GPR135: variants seen among roughly 807,000 people sequenced by gnomAD.
GPR135 encodes G protein-coupled receptor 135, also known as G-protein coupled receptor 135.
In GPR135, 17 loss-of-function variants were observed where a neutral mutation model predicts 15.0. That is an observed-to-expected ratio of 1.13 (90% CI 0.78 to 1.70). The LOEUF (loss-of-function observed/expected upper bound fraction) is 1.70, where lower values mean the gene tolerates loss of function less well. Ranked by LOEUF, GPR135 falls within the 40% of genes most tolerant of loss-of-function variation. GPR135 has a pLI of 0.00. For missense variants in GPR135, 776 were observed against 727.0 expected (o/e 1.07, Z -0.78); for synonymous variants, 368 against 349.4 (o/e 1.05, Z -0.59).
intron 6 of GPR135, chr14:59,455,621 T>C (rs968729325): frequency 1.3e-5 from 2 of 152,204 alleles, no homozygotes; most frequent in Non-Finnish European, 2.9e-5. Flanking sequence ...GTAATTAAGA[T>C]GTCAGCTGGA....
In GPR135 at chr14:59,463,995, A is replaced by G. The variant is rs374475417; in HGVS notation, c.1232T>C (p.Val411Ala). The change falls in exon 1 of 1, where the codon GTG (valine) becomes GCG (alanine). Residue 411 changes from valine to alanine, a missense_variant. Coordinates refer to ENST00000395116, the MANE Select transcript of GPR135 (RefSeq NM_022571.6). ...NREEGYRTRN[V>A]DAFLPSQGPG... ...GCCCTGGCTGGGCAGGAAAGCGTCC[A>G]CATTCCTAGTCCGGTAGCCCTCCTC... 8 of 1,613,920 alleles carry G rather than the reference A, an allele frequency of 5.0e-6. No homozygotes were observed. Among genetic ancestry groups the G allele is most frequent in the African/African-American group, 1.3e-5 (1 of 74,956 alleles).
downstream of GPR135, among the ~76,000 whole-genome samples, chr14:59,457,303 T>C (rs1888687828): frequency 6.6e-6 from 1 of 152,200 alleles, no homozygotes; most frequent in Admixed American, 6.5e-5. Flanking sequence ...CTCTTTGTGT[T>C]TGTCTTACTT....
chr14:59,465,173 G>C lies in GPR135; in HGVS notation c.54C>G (p.Ser18Arg). 1 of 1,317,900 alleles carries C rather than the reference G, an allele frequency of 7.6e-7. No individual in the cohort carries two copies. The highest frequency in any genetic ancestry group is 2.9e-4 in the Middle Eastern group (1 of 3,480). The allele number at this position is 1,317,900 out of a possible 1,614,324, so 81.6% of individuals were successfully genotyped here. A position where few individuals can be genotyped will look rare whatever the true frequency, so the allele number is the denominator to read the frequency against. ...RPPASMALLG[S>R]QHSGAPSAAG... The stretch of plus-strand genomic sequence containing the variant: ...CCGCGGAGGGGGCGCCGGAGTGCTG[G>C]CTGCCCAGTAAGGCCATGCTCGCTG... Residue 18 changes from serine (S) to arginine (R), a missense_variant, in exon 1 of 1, where the codon AGC becomes AGG. Transcript: ENST00000395116.
chr14:59,461,150 A>G lies in GPR135; in HGVS notation c.*2592T>C, dbSNP rs1381076157. On this transcript the variant is annotated 3_prime_UTR_variant, in exon 1 of 1. Transcript: ENST00000395116. ...AGTACTGTGGCTTCTACCTTTTAGTAGCCTTAGCTCCCAGGAAGTTGCCCT... is the reference window on the plus strand; with the variant it reads ...AGTACTGTGGCTTCTACCTTTTAGTGGCCTTAGCTCCCAGGAAGTTGCCCT... 1 of 152,226 alleles carries G rather than the reference A, an allele frequency of 6.6e-6. No homozygotes were observed. The highest frequency in any genetic ancestry group is 1.5e-5 in the Non-Finnish European group (1 of 68,028). 9.4% of individuals were successfully genotyped at this position (152,226 alleles called of 1,614,324 possible). A position where few individuals can be genotyped will look rare whatever the true frequency, so the allele number is the denominator to read the frequency against.
At chr14:59,457,654 T>C (rs1284083463), downstream of GPR135, among the ~76,000 whole-genome samples, 3 of 152,208 alleles carry the variant, frequency 2.0e-5, no homozygotes, top group Admixed American at 6.5e-5. Context: ...AACTCAAGCA[T>C]TTCCATGTTT....
chr14:59,464,808 G>T lies in GPR135; in HGVS notation c.419C>A (p.Ala140Asp). ...CGATAGGGACAGCGACAGGATGAAG[G>T]CGTTGGTGACGGTGCGGAGCTGCCG... ...KHRQLRTVTN[A>D]FILSLSLSDL... is the part of the protein sequence containing the mutation. The change falls in exon 1 of 1, where the codon GCC becomes GAC. Residue 140 changes from alanine to aspartate, a missense_variant. Transcript: ENST00000395116. The T allele has an allele frequency of 6.3e-7, 1 of 1,581,782 alleles. No individual in the cohort carries two copies. The highest frequency in any genetic ancestry group is 1.2e-5 in the South Asian group (1 of 86,664).
At position 59,463,767 on chromosome 14, in the gene GPR135, G is replaced by T. The variant is rs372025173; in HGVS notation, c.1460C>A (p.Ser487Tyr). 2.9e-5 allele frequency: 47 copies of T among 1,608,830 alleles called. No homozygotes were observed. The African/African-American group carries it at 5.6e-4, about 19-fold the overall frequency. ...TTAGAGGCTGGTATCCCCAGCTTCG[G>T]ATTTAGGCTGTTTGGTCACTGCCGT... The part of the protein sequence containing the change: ...PVTAVTKQPK[S>Y]EAGDTSL The change falls in exon 1 of 1, where the codon TCC becomes TAC. Residue 487 changes from serine (S) to tyrosine (Y), a missense_variant. Transcript: ENST00000395116.
At position 59,464,383 on chromosome 14, in the gene GPR135, C is replaced by T. The variant is rs778115665; in HGVS notation, c.844G>A (p.Val282Met). The change falls in exon 1 of 1, where the codon GTG (valine) becomes ATG (methionine). Residue 282 changes from valine to methionine, a missense_variant. Coordinates refer to ENST00000395116, the MANE Select transcript of GPR135 (RefSeq NM_022571.6). ...AAGGGCAGCAGGTAGCAGGCCACCA[C>T]CAGCCCCACGCTGAAGGCCGCGCCC... ...QLGAAFSVGL[V>M]VACYLLPFLL... 4 of 1,604,940 alleles carry T rather than the reference C, an allele frequency of 2.5e-6. No homozygotes were observed. In the South Asian group the frequency reaches 3.3e-5, roughly 13 times the overall value.
chr14:59,456,733 AAAG>A (rs1888668610), downstream of GPR135, among the ~76,000 whole-genome samples: 1 of 152,220 alleles, frequency 6.6e-6, no homozygotes, highest in East Asian at 1.9e-4. Flanking sequence ...CTGTCAATCA[AAAG>A]AAGGTGGCTA....
rs1199886336 is a variant in GPR135 at position 59,465,234 on chromosome 14, A to T, written c.-8T>A. 4.1e-6 allele frequency: 5 copies of T among 1,227,266 alleles called. No individual in the cohort carries two copies. The highest frequency in any genetic ancestry group is 5.1e-6 in the Non-Finnish European group (5 of 984,984). The allele number at this position is 1,227,266 out of a possible 1,614,324, so 76.0% of individuals were successfully genotyped here. ...CGGCTGCGGCTCCTCCATGGGGCCC[A>T]GTGGCGGCCGCGGATCTCCTCATCC... On this transcript the variant is annotated 5_prime_UTR_variant, in exon 1 of 1. Transcript: ENST00000395116.
At chr14:59,456,836 A>G (rs777253291), downstream of GPR135, among the ~76,000 whole-genome samples, 49 of 152,228 alleles carry the variant, frequency 3.2e-4, no homozygotes, top group Non-Finnish European at 5.0e-4. Flanking sequence ...AACTTTGAAT[A>G]TATCATAGGG....
Position 59,465,009 on chromosome 14 carries a change from C to G in GPR135, c.218G>C (p.Gly73Ala). ...CGCCTCCCGCGCTGCCCCGGACCCGCCAAGGCCGCCGCCACCGGGAGCGGC... is the reference window on the plus strand; with the variant it reads ...CGCCTCCCGCGCTGCCCCGGACCCGGCAAGGCCGCCGCCACCGGGAGCGGC... ...TAAAPGGGGL[G>A]GSGAAREAGA... Residue 73 changes from glycine (G) to alanine (A), a missense_variant, in exon 1 of 1, where the codon GGC (glycine) becomes GCC (alanine). By Grantham distance (60) the Gly-to-Ala change is moderately conservative (BLOSUM62 0). Transcript: ENST00000395116. The G allele has an allele frequency of 7.5e-7, 1 of 1,340,436 alleles. No homozygotes were observed. Among genetic ancestry groups the G allele is most frequent in the Non-Finnish European group, 9.5e-7 (1 of 1,049,908 alleles). The allele number at this position is 1,340,436 out of a possible 1,614,324, so 83.0% of individuals were successfully genotyped here. A position where few individuals can be genotyped will look rare whatever the true frequency, so the allele number is the denominator to read the frequency against.
chr14:59,463,766 G>A lies in GPR135; in HGVS notation c.1461C>T (p.Ser487=). Residue 487 remains serine (S), a synonymous_variant, in exon 1 of 1, where the codon TCC becomes TCT. Coordinates refer to ENST00000395116, the MANE Select transcript of GPR135 (RefSeq NM_022571.6). ...PVTAVTKQPK[S]EAGDTSL is the part of the protein sequence containing the mutation. ...CTTAGAGGCTGGTATCCCCAGCTTC[G>A]GATTTAGGCTGTTTGGTCACTGCCG... The A allele has an allele frequency of 6.2e-7, 1 of 1,604,698 alleles. No homozygotes were observed. Among genetic ancestry groups the A allele is most frequent in the East Asian group, 2.2e-5 (1 of 44,726 alleles).
downstream of GPR135, among the ~76,000 whole-genome samples, chr14:59,459,541 T>G (rs1489009968): frequency 6.6e-6 from 1 of 152,260 alleles, no homozygotes; most frequent in African/African-American, 2.4e-5. Flanking sequence ...TGAGGACTTA[T>G]GTTCACCAAT....
In GPR135 at chr14:59,463,649, G is replaced by T; in HGVS notation, c.*93C>A. 1 of 1,228,646 alleles carries T rather than the reference G, an allele frequency of 8.1e-7. No homozygotes were observed. The highest frequency in any genetic ancestry group is 1.1e-6 in the Non-Finnish European group (1 of 891,534). The allele number at this position is 1,228,646 out of a possible 1,614,324, so 76.1% of individuals were successfully genotyped here. A position where few individuals can be genotyped will look rare whatever the true frequency, so the allele number is the denominator to read the frequency against. On this transcript the variant is annotated 3_prime_UTR_variant, in exon 1 of 1. Transcript: ENST00000395116. ...CCCCGTCTCTAGCTTTAAATGTTTG[G>T]CTTTATGAAATCCACAACTCTCCCC...
chr14:59,457,911 G>T (rs1432603992), downstream of GPR135, among the ~76,000 whole-genome samples: 2 of 151,956 alleles, frequency 1.3e-5, no homozygotes, highest in African/African-American at 4.8e-5. Flanking sequence ...TGCTCTTGTT[G>T]TTGTAAACTG....
chr14:59,455,231 G>T (rs189185092), intron 6 of GPR135, among the ~76,000 whole-genome samples: 4 of 152,174 alleles, frequency 2.6e-5, no homozygotes, highest in Non-Finnish European at 5.9e-5. Flanking sequence ...GGCTGCATGA[G>T]CCACTAATAA....
At chr14:59,452,854 G>C (rs1194764430) in intron 6 of GPR135, among the ~76,000 whole-genome samples, 1 of 152,144 alleles carries the variant, frequency 6.6e-6, no homozygotes, top group South Asian at 2.1e-4. Context: ...TAAATAAGCA[G>C]ATAAATAAGC....
At chr14:59,457,979 C>A (rs1258355281), downstream of GPR135, among the ~76,000 whole-genome samples, 1 of 152,194 alleles carries the variant, frequency 6.6e-6, no homozygotes, top group African/African-American at 2.4e-5. Context: ...CCTCATGGAA[C>A]AACTCTGTAG....
Sources: allele counts gnomAD v4.1 joint callset (sites outside exome capture counted in the v4.1 genomes callset), GRCh38; gene constraint gnomAD v4.1.1; transcripts MANE v1.5; gene names NCBI Gene and HGNC (gene_info 2026-07-23, HGNC 2026-07-21).